Variants in NECAB3 observed in about 807,000 individuals in gnomAD.
The protein encoded by NECAB3 is N-terminal EF-hand calcium binding protein 3, also known as N-terminal EF-hand calcium-binding protein 3.
Under a neutral mutation model 57.2 loss-of-function variants are expected in NECAB3, and 38 were observed. That is an observed-to-expected ratio of 0.66 (90% confidence interval 0.51 to 0.87). NECAB3 has a LOEUF of 0.87. Among genes scored for constraint, NECAB3 ranks in the 40% least tolerant of loss-of-function variants. NECAB3 has a pLI of 0.00. For missense variants in NECAB3, 474 were observed against 527.5 expected, an observed-to-expected ratio of 0.90 and a Z score of 0.99; for synonymous variants, 223 against 222.6, an observed-to-expected ratio of 1.00 and a Z score of -0.02.
chr20:33,668,630 A>G (rs2017755097), intron 5 of NECAB3: 1 of 174,574 alleles, frequency 5.7e-6, no homozygotes, highest in African/African-American at 2.4e-5. Context: ...ATCTCATGTG[A>G]AAGTCACCAG....
At chr20:33,666,209 A>G (rs1332208943) in intron 5 of NECAB3, among the ~76,000 whole-genome samples, 1 of 152,154 alleles carries the variant, frequency 6.6e-6, no homozygotes, top group Non-Finnish European at 1.5e-5. Context: ...ATCTGTGATG[A>G]AAAAGCTTTT....
chr20:33,670,848 A>G (rs773252826), intron 2 of NECAB3, 56 bp from the exon 3 acceptor site: 48 of 1,304,536 alleles, frequency 3.7e-5, no homozygotes, highest in Middle Eastern at 4.5e-4. Flanking sequence ...CCCTGACTGC[A>G]CCCCTGCCAC....
rs759118557 is a variant in NECAB3 at position 33,669,463 on chromosome 20, GAGA to G, written c.296_298del (p.Phe99del). The G allele has an allele frequency of 1.2e-6, 2 of 1,613,700 alleles. No individual in the cohort carries two copies. The highest frequency in any genetic ancestry group is 1.7e-6 in the Non-Finnish European group (2 of 1,180,030). The stretch of plus-strand genomic sequence containing the variant: ...CGGCCGGTAGACACCCAGGTGCTCT[GAGA>G]AGTAGTCTGCAGGCAGAAGAGGTGC... On this transcript the variant is annotated inframe_deletion, in exon 5 of 12. Coordinates refer to ENST00000246190, the MANE Select transcript of NECAB3 (RefSeq NM_031232.4).
chr20:33,671,064 T>G (rs887860451), intron 2 of NECAB3, among the ~76,000 whole-genome samples: 1 of 152,272 alleles, frequency 6.6e-6, no homozygotes, highest in East Asian at 1.9e-4. Context: ...ACTCAGTAAA[T>G]GTTTGCCAAG....
intron 5 of NECAB3, chr20:33,663,516 CCT>C (rs1482885156): frequency 4.4e-6 from 7 of 1,605,648 alleles, no homozygotes; most frequent in Admixed American, 3.3e-5. Context: ...GCCTCACGCC[CCT>C]GTTCCACCCC....
Position 33,669,679 on chromosome 20 carries a change from C to A in NECAB3, c.289+8G>T, listed in dbSNP as rs766303303. ...ACAGGAGAAAAGAGCTCCCATGGGC[C>A]TACTCACCACACAGTTTTTCTGTTT... On this transcript the variant is annotated splice_region_variant and intron_variant, in intron 4 of 11. Coordinates refer to ENST00000246190, the MANE Select transcript of NECAB3 (RefSeq NM_031232.4). 30 of 1,594,406 alleles carry A rather than the reference C, an allele frequency of 1.9e-5. No homozygotes were observed. In the South Asian group the frequency reaches 3.4e-4, roughly 18 times the overall value.
At chr20:33,658,995 G>A (rs1279507352) in intron 8 of NECAB3, among the ~76,000 whole-genome samples, 161 bp from the exon 9 acceptor site, 3 of 152,126 alleles carry the variant, frequency 2.0e-5, no homozygotes, top group East Asian at 3.9e-4. Flanking sequence ...TGGGATCACG[G>A]CTTACTGCAG....
rs764487799 is a variant in NECAB3 at position 33,668,113 on chromosome 20, G to C, written c.387+1262C>G. 18 of 1,609,750 alleles carry C rather than the reference G, an allele frequency of 1.1e-5. No individual in the cohort carries two copies. Among genetic ancestry groups the C allele is most frequent in the Non-Finnish European group, 1.4e-5 (17 of 1,178,466 alleles). On this transcript the variant is annotated intron_variant, in intron 5 of 11. Coordinates refer to ENST00000246190, the MANE Select transcript of NECAB3 (RefSeq NM_031232.4). The stretch of plus-strand genomic sequence containing the variant: ...CCACCTGGTGGCCAAGCATGGGCGT[G>C]GCATGGCTGTGTGGACCGGCGGCTC...
rs1356092173 is a variant in NECAB3, at chr20:33,657,695, G to C, written c.*134C>G. 1 of 856,668 alleles carries C rather than the reference G, an allele frequency of 1.2e-6. No homozygotes were observed. The highest frequency in any genetic ancestry group is 1.7e-5 in the African/African-American group (1 of 58,354). The allele number at this position is 856,668 out of a possible 1,614,324, so 53.1% of individuals were successfully genotyped here. The stretch of plus-strand genomic sequence containing the variant: ...GCAAGCAGCCCAGTCCCTGATCCCT[G>C]GGCTGAGAGCCCTTCCACCAGGCCC... On this transcript the variant is annotated 3_prime_UTR_variant, in exon 12 of 12. Coordinates refer to ENST00000246190, the MANE Select transcript of NECAB3 (RefSeq NM_031232.4).
chr20:33,664,513 T>C (rs1185845425), intron 5 of NECAB3: 2 of 178,292 alleles, frequency 1.1e-5, no homozygotes, highest in Admixed American at 5.4e-5. Context: ...CTGTCCCATC[T>C]CCTTCCCCAC....
In NECAB3 at chr20:33,660,632, C is replaced by A. The variant is rs1214913771; in HGVS notation, c.388-237G>T. On this transcript the variant is annotated intron_variant, in intron 5 of 11. Coordinates refer to ENST00000246190, the MANE Select transcript of NECAB3 (RefSeq NM_031232.4). The surrounding 1 kb of genome is among the most constrained non-coding windows in gnomAD (Gnocchi z 4.1). Reference sequence around the variant, plus strand: ...AGGCCAACTCACAGGGGGCATCTGCCCAGCGAAGTGCCTGGCCTCTCTGGA... The same window carrying A: ...AGGCCAACTCACAGGGGGCATCTGCACAGCGAAGTGCCTGGCCTCTCTGGA... Among the ~76,000 whole-genome samples the A allele has an allele frequency of 6.6e-6, 1 of 152,164 alleles. No individual in the cohort carries two copies. Among genetic ancestry groups the A allele is most frequent in the African/African-American group, 2.4e-5 (1 of 41,432 alleles).
chr20:33,659,852 T>TC (rs1568892302), intron 7 of NECAB3, 33 bp downstream of exon 7: 1 of 1,538,328 alleles, frequency 6.5e-7, no homozygotes, highest in South Asian at 1.2e-5. Flanking sequence ...GGTGCCTGCC[T>TC]CGGCCAGGCC....
chr20:33,672,262 T>C lies in NECAB3; in HGVS notation c.154+136A>G. On this transcript the variant is annotated intron_variant, in intron 2 of 11. Coordinates refer to ENST00000246190, the MANE Select transcript of NECAB3 (RefSeq NM_031232.4). ...ACAGCACTTCCTCTGGGAAGTGCCT[T>C]GATTGATTCTCCTGTTTTGGGCCCC... 11 of 1,026,348 alleles carry C rather than the reference T, an allele frequency of 1.1e-5. No individual in the cohort carries two copies. In the South Asian group the frequency reaches 1.5e-4, roughly 14 times the overall value. 63.6% of individuals were successfully genotyped at this position (1,026,348 alleles called of 1,614,324 possible). A position where few individuals can be genotyped will look rare whatever the true frequency, so the allele number is the denominator to read the frequency against.
chr20:33,668,352 C>A, intron 5 of NECAB3: 1 of 1,388,502 alleles, frequency 7.2e-7, no homozygotes, highest in South Asian at 1.7e-5. Context: ...GATGGGTCAC[C>A]CCCATACCCT....
At chr20:33,662,376 AAAGCACCC>A in intron 5 of NECAB3, 1 of 1,551,504 alleles carries the variant, frequency 6.4e-7, no homozygotes, top group South Asian at 1.2e-5. Context: ...CAAAAGGACC[AAAGCACCC>A]AAGCAGGCCC....
intron 1 of NECAB3, among the ~76,000 whole-genome samples, chr20:33,673,930 G>A (rs994511236): frequency 6.6e-6 from 1 of 152,138 alleles, no homozygotes; most frequent in Non-Finnish European, 1.5e-5. Context: ...AGCTGCCACA[G>A]AGTGGGGTGA....
chr20:33,669,684 C>T lies in NECAB3; in HGVS notation c.289+3G>A. Reference sequence around the variant, plus strand: ...AGAAAAGAGCTCCCATGGGCCTACTCACCACACAGTTTTTCTGTTTCTAAA... The same window carrying T: ...AGAAAAGAGCTCCCATGGGCCTACTTACCACACAGTTTTTCTGTTTCTAAA... On this transcript the variant is annotated splice_donor_region_variant and intron_variant, in intron 4 of 11. Coordinates refer to ENST00000246190, the MANE Select transcript of NECAB3 (RefSeq NM_031232.4). 6.3e-7 allele frequency: 1 copy of T among 1,595,700 alleles called. No individual in the cohort carries two copies. The highest frequency in any genetic ancestry group is 8.5e-7 in the Non-Finnish European group (1 of 1,170,824).
Position 33,665,943 on chromosome 20 carries a change from T to C in NECAB3, c.387+3432A>G, listed in dbSNP as rs1014857684. Among the ~76,000 whole-genome samples the C allele has an allele frequency of 9.2e-5, 14 of 152,106 alleles. No homozygotes were observed. The Middle Eastern group carries it at 0.01, about 111-fold the overall frequency. Reference sequence around the variant, plus strand: ...ACTAAAAATACAAAAATTAGCCGCGTATGGTGGTGCATGCCTGTAGTCCCA... The same window carrying C: ...ACTAAAAATACAAAAATTAGCCGCGCATGGTGGTGCATGCCTGTAGTCCCA... On this transcript the variant is annotated intron_variant, in intron 5 of 11. Coordinates refer to ENST00000246190, the MANE Select transcript of NECAB3 (RefSeq NM_031232.4).
Position 33,658,104 on chromosome 20 carries a change from C to T in NECAB3, c.1071-71G>A, listed in dbSNP as rs563641087. On this transcript the variant is annotated intron_variant, in intron 10 of 11. Coordinates refer to ENST00000246190, the MANE Select transcript of NECAB3 (RefSeq NM_031232.4). ...CCCATCCTGCTGCCAGGATCAGACCCCGGCCCTTCTCACACTGCCTCTGGA... is the reference window on the plus strand; with the variant it reads ...CCCATCCTGCTGCCAGGATCAGACCTCGGCCCTTCTCACACTGCCTCTGGA... The T allele has an allele frequency of 5.1e-6, 7 of 1,383,574 alleles. No homozygotes were observed. In the Admixed American group the frequency reaches 1.4e-4, roughly 29 times the overall value. 85.7% of individuals were successfully genotyped at this position (1,383,574 alleles called of 1,614,324 possible).
Sources: allele counts gnomAD v4.1 joint callset (sites outside exome capture counted in the v4.1 genomes callset), GRCh38; gene constraint gnomAD v4.1.1; non-coding constraint Gnocchi (gnomAD v3.1); transcripts MANE v1.5; gene names NCBI Gene and HGNC (gene_info 2026-07-23, HGNC 2026-07-21).